Variants in ARHGEF10L observed in about 807,000 individuals in gnomAD.
ARHGEF10L encodes the protein rho guanine nucleotide exchange factor 10-like protein.
In ARHGEF10L, 69 loss-of-function variants were observed where a neutral mutation model predicts 141.2. That is an observed-to-expected ratio of 0.49 (90% CI 0.40 to 0.60). The LOEUF (loss-of-function observed/expected upper bound fraction) is 0.60, where lower values mean the gene tolerates loss of function less well. Among genes scored for constraint, ARHGEF10L ranks in the 20% least tolerant of loss-of-function variants. The pLI is 0.00. For synonymous variants in ARHGEF10L, 711 were observed against 718.5 expected, an observed-to-expected ratio of 0.99 and a Z score of 0.17; for missense variants, 1,482 against 1,734.3, an observed-to-expected ratio of 0.85 and a Z score of 2.58.
intron 4 of ARHGEF10L, among the ~76,000 whole-genome samples, chr1:17,596,156 C>T (rs565399912): frequency 5.4e-4 from 83 of 152,336 alleles, no homozygotes; most frequent in African/African-American, 1.7e-3. Flanking sequence ...GGGGCCCTGG[C>T]GCCCACATCT....
chr1:17,518,819 A>G, the ARHGEF10L span, among the ~76,000 whole-genome samples: 6 of 115,334 alleles, frequency 5.2e-5, no homozygotes, highest in East Asian at 2.2e-3. Flanking sequence ...AAAAAAAAAA[A>G]AAAAAAGAAA....
Position 17,695,223 on chromosome 1 carries a change from C to A in ARHGEF10L, c.3250C>A (p.Gln1084Lys). Residue 1084 changes from glutamine (Q) to lysine (K), a missense_variant, in exon 28 of 29, where the codon CAG becomes AAG. This residue lies in a region of ARHGEF10L where 858 missense variants were observed against 966.3 expected (regional missense o/e 0.89). Coordinates refer to ENST00000361221, the MANE Select transcript of ARHGEF10L (RefSeq NM_018125.4). Reference sequence around the variant, plus strand: ...GGGTCTGCTCTGGGTGGGCACTGACCAGGGTGTCATCGTCCTGCTGCCCGT... The same window carrying A: ...GGGTCTGCTCTGGGTGGGCACTGACAAGGGTGTCATCGTCCTGCTGCCCGT... ...CQGLLWVGTD[Q>K]GVIVLLPVPR... 6.2e-7 allele frequency: 1 copy of A among 1,611,048 alleles called. No homozygotes were observed. Among genetic ancestry groups the A allele is most frequent in the South Asian group, 1.1e-5 (1 of 90,744 alleles).
intron 1 of ARHGEF10L, among the ~76,000 whole-genome samples, chr1:17,544,278 G>GTATA (rs1002523702): frequency 4.7e-5 from 7 of 149,602 alleles, no homozygotes; most frequent in African/African-American, 1.5e-4. Flanking sequence ...ATATATGTGT[G>GTATA]TATATATATA....
At chr1:17,567,995 C>T (rs112736409) in intron 1 of ARHGEF10L, among the ~76,000 whole-genome samples, 125 of 152,328 alleles carry the variant, frequency 8.2e-4, no homozygotes, top group African/African-American at 2.9e-3. Flanking sequence ...GTGCTCAGCA[C>T]TGGGCCAAGC....
At chr1:17,676,001 G>GGTGCAGGTGTGGATGCAGGTATGT (rs2063668043) in intron 26 of ARHGEF10L, among the ~76,000 whole-genome samples, 2 of 143,384 alleles carry the variant, frequency 1.4e-5, no homozygotes, top group South Asian at 2.3e-4. Flanking sequence ...TGCAGGTGTG[G>GGTGCAGGTGTGGATGCAGGTATGT]GTGCAGGTGT....
chr1:17,546,526 T>C (rs1420634472), intron 1 of ARHGEF10L, among the ~76,000 whole-genome samples: 1 of 152,172 alleles, frequency 6.6e-6, no homozygotes, highest in African/African-American at 2.4e-5. Context: ...CCAAGGGCAC[T>C]GTGTTTGTAA....
rs746443580 is a variant in ARHGEF10L at position 17,607,024 on chromosome 1, G to C, written c.434-778G>C. On this transcript the variant is annotated intron_variant, in intron 6 of 28. Coordinates refer to ENST00000361221, the MANE Select transcript of ARHGEF10L (RefSeq NM_018125.4). This position sits in a 1 kb window ranked among gnomAD's most constrained non-coding sequence, Gnocchi z 4.5. Reference sequence around the variant, plus strand: ...GGAGCTCCTGGACTCTGGGCCAGCTGCGCCCCCTACTGGAAGATCCCAGGC... The same window carrying C: ...GGAGCTCCTGGACTCTGGGCCAGCTCCGCCCCCTACTGGAAGATCCCAGGC... Among the ~76,000 whole-genome samples, 1 of 152,220 alleles carries C rather than the reference G, an allele frequency of 6.6e-6. No individual in the cohort carries two copies. Among genetic ancestry groups the C allele is most frequent in the Non-Finnish European group, 1.5e-5 (1 of 68,042 alleles).
intron 27 of ARHGEF10L, among the ~76,000 whole-genome samples, chr1:17,689,270 C>T (rs2064867583): frequency 6.6e-6 from 1 of 151,968 alleles, no homozygotes; most frequent in African/African-American, 2.4e-5. Flanking sequence ...CCTCATCCCT[C>T]TGTAAGATGG....
Position 17,624,492 on chromosome 1 carries a change from G to A in ARHGEF10L, c.1306G>A (p.Glu436Lys), listed in dbSNP as rs146853605. The change falls in exon 13 of 29, where the codon GAG (glutamate) becomes AAG (lysine). Residue 436 changes from glutamate (E) to lysine (K), a missense_variant. Physicochemically the swap from Glu to Lys is moderately conservative, Grantham distance 56. This residue lies in a region of ARHGEF10L where 392 missense variants were observed against 542.1 expected (regional missense o/e 0.72). Transcript: ENST00000361221. ...KACLTKPAFL[E>K]FLKRRQVCSP... ...CTGCCTCACCAAGCCTGCCTTCCTC[G>A]AGTTCCTCAAGGTGGGCCTCCATGG... 14 of 1,614,090 alleles carry A rather than the reference G, an allele frequency of 8.7e-6. No individual in the cohort carries two copies. Among genetic ancestry groups the A allele is most frequent in the East Asian group, 2.2e-5 (1 of 44,890 alleles).
rs1237300498 is a variant in ARHGEF10L, at chr1:17,623,085, G to T, written c.1110G>T (p.Leu370=). ...QVVFFRVKEI[L]HCHSMFQIAL... ...TGTTCTTCCGCGTGAAGGAGATCCT[G>T]CACTGCCACTCCATGTTCCAGATCG... Residue 370 remains leucine (L), a synonymous_variant, in exon 12 of 29, where the codon CTG becomes CTT. Transcript: ENST00000361221. This position sits in a 1 kb window ranked among gnomAD's most constrained non-coding sequence, Gnocchi z 4.7. 1.2e-6 allele frequency: 2 copies of T among 1,614,056 alleles called. No homozygotes were observed.
At chr1:17,604,110 A>T (rs969363098) in intron 6 of ARHGEF10L, among the ~76,000 whole-genome samples, 3 of 152,074 alleles carry the variant, frequency 2.0e-5, no homozygotes, top group Admixed American at 2.0e-4. Context: ...ATTAACAGGA[A>T]GAGCCGTCTT....
At chr1:17,599,307 G>A (rs1052032506) in intron 4 of ARHGEF10L, among the ~76,000 whole-genome samples, 1 of 149,854 alleles carries the variant, frequency 6.7e-6, no homozygotes, top group Non-Finnish European at 1.5e-5. Context: ...CTGCACTCCA[G>A]CCTGGGTGAC....
chr1:17,588,701 C>A (rs999609520), intron 4 of ARHGEF10L, among the ~76,000 whole-genome samples: 5 of 152,000 alleles, frequency 3.3e-5, no homozygotes, highest in Non-Finnish European at 7.4e-5. Flanking sequence ...CCGCAGGAGG[C>A]AGGCCTGGCT....
chr1:17,564,511 A>G lies in ARHGEF10L; in HGVS notation c.-43-16042A>G, dbSNP rs898598428. ...TCCCACCTGAGTGTACCCCAGCAGC[A>G]CAGGAGCCCAGCTGACTGGTGGCTG... On this transcript the variant is annotated intron_variant, in intron 1 of 28. Coordinates refer to ENST00000361221, the MANE Select transcript of ARHGEF10L (RefSeq NM_018125.4). 4.6e-5 allele frequency among the ~76,000 whole-genome samples: 7 copies of G among 152,302 alleles called. No individual in the cohort carries two copies. In the South Asian group the frequency reaches 1.0e-3, roughly 23 times the overall value.
chr1:17,587,172 A>C (rs1039906441), intron 2 of ARHGEF10L, among the ~76,000 whole-genome samples: 2 of 152,202 alleles, frequency 1.3e-5, no homozygotes, highest in African/African-American at 4.8e-5. Flanking sequence ...GAAACACGAA[A>C]TAAGAAGAGG....
At chr1:17,524,783 G>A in the ARHGEF10L span, among the ~76,000 whole-genome samples, 5 of 152,136 alleles carry the variant, frequency 3.3e-5, no homozygotes, top group Non-Finnish European at 2.9e-5. Flanking sequence ...GCAGCTCCCC[G>A]GGGAATGGGA....
intron 11 of ARHGEF10L, among the ~76,000 whole-genome samples, chr1:17,622,557 C>T (rs887201254): frequency 2.0e-5 from 3 of 152,056 alleles, no homozygotes; most frequent in Non-Finnish European, 4.4e-5. Context: ...GAGTTTGGAT[C>T]CTCAGAGAGG....
At chr1:17,520,272 C>G in the ARHGEF10L span, among the ~76,000 whole-genome samples, 1 of 152,116 alleles carries the variant, frequency 6.6e-6, no homozygotes, top group Non-Finnish European at 1.5e-5. Context: ...CCCAGCAGGT[C>G]GGGCAAGTGA....
chr1:17,574,546 C>T (rs1371274237), intron 1 of ARHGEF10L, among the ~76,000 whole-genome samples: 1 of 152,202 alleles, frequency 6.6e-6, no homozygotes, highest in Non-Finnish European at 1.5e-5. Context: ...CAGGTAAGCA[C>T]AGGAGGCGCA....
Sources: gnomAD v4.1 joint callset for allele counts (sites outside exome capture counted in the v4.1 genomes callset) on GRCh38, gnomAD v4.1.1 for gene constraint, gnomAD v4.1.1 regional missense constraint, Gnocchi (gnomAD v3.1) non-coding constraint, MANE v1.5 for transcripts, NCBI Gene and HGNC (gene_info 2026-07-23, HGNC 2026-07-21) for gene names.